ARMC3: variants seen among roughly 807,000 people sequenced by gnomAD.
ARMC3 encodes armadillo repeat containing 3, also known as armadillo repeat-containing protein 3.
In ARMC3, 74 loss-of-function variants were observed where a neutral mutation model predicts 90.3. The observed-to-expected ratio is 0.82, with a 90% CI of 0.68 to 0.99. The LOEUF (loss-of-function observed/expected upper bound fraction) is 0.99. ARMC3 is among the 50% of genes least tolerant of loss of function. The pLI is 0.00. For missense variants in ARMC3, 958 were observed against 1,042.8 expected, an observed-to-expected ratio of 0.92 and a Z score of 1.12; for synonymous variants, 334 against 361.8, an observed-to-expected ratio of 0.92 and a Z score of 0.87.
chr10:22,998,048 G>A lies in ARMC3; in HGVS notation c.1176-100G>A, dbSNP rs144384713. On this transcript the variant is annotated intron_variant, in intron 10 of 18. Coordinates refer to ENST00000298032, the MANE Select transcript of ARMC3 (RefSeq NM_173081.5). ...GGCAAATTAATTTATTTCTAAAATC[G>A]TATTTCTGTACTCATTTGTTTTAGC... The A allele has an allele frequency of 8.3e-6, 11 of 1,325,048 alleles. No homozygotes were observed. In the East Asian group the frequency reaches 1.2e-4, roughly 15 times the overall value. 82.1% of individuals were successfully genotyped at this position (1,325,048 alleles called of 1,614,324 possible).
chr10:22,976,288 C>T (rs1835918770), intron 8 of ARMC3, among the ~76,000 whole-genome samples: 1 of 152,094 alleles, frequency 6.6e-6, no homozygotes, highest in Non-Finnish European at 1.5e-5. Flanking sequence ...TTTAAATAGC[C>T]ACATCTCCTC....
intron 10 of ARMC3, among the ~76,000 whole-genome samples, chr10:22,982,169 G>C (rs1266626040): frequency 6.6e-6 from 1 of 152,214 alleles, no homozygotes; most frequent in Non-Finnish European, 1.5e-5. Flanking sequence ...TTGAGGTCAG[G>C]AGTTCGAGAC....
At chr10:22,930,935 C>CTT (rs34860824) in intron 1 of ARMC3, among the ~76,000 whole-genome samples, 10 of 147,568 alleles carry the variant, frequency 6.8e-5, no homozygotes, top group South Asian at 2.1e-4. Flanking sequence ...TGAAAAGTTT[C>CTT]TTTTTTTTTT....
At chr10:23,035,089 G>A (rs552501467) in intron 18 of ARMC3, among the ~76,000 whole-genome samples, 1 of 152,304 alleles carries the variant, frequency 6.6e-6, no homozygotes, top group Admixed American at 6.5e-5. Flanking sequence ...CAGAGTGCCA[G>A]CAGATTCAGT....
chr10:23,022,696 C>T (rs891572549), intron 16 of ARMC3, among the ~76,000 whole-genome samples: 2 of 152,128 alleles, frequency 1.3e-5, no homozygotes, highest in African/African-American at 4.8e-5. Flanking sequence ...AGACAACTTC[C>T]CTTTTCCCCC....
At chr10:22,968,674 G>A in intron 8 of ARMC3, among the ~76,000 whole-genome samples, 185 bp downstream of exon 8, 1 of 151,976 alleles carries the variant, frequency 6.6e-6, no homozygotes, top group African/African-American at 2.4e-5. Context: ...GCTAATTTTT[G>A]TATTTTTTGT....
chr10:23,013,998 C>T, intron 16 of ARMC3: 1 of 1,378,456 alleles, frequency 7.3e-7, no homozygotes, highest in South Asian at 1.3e-5. Context: ...ATGTTTGACT[C>T]CTTTACAGTA....
At chr10:22,998,459 T>A in intron 11 of ARMC3, 62 bp downstream of exon 11, 1 of 1,575,436 alleles carries the variant, frequency 6.3e-7, no homozygotes, top group South Asian at 1.2e-5. Flanking sequence ...GGTGGATTCA[T>A]TGGAAACATT....
At chr10:22,945,037 CA>C (rs1366498240) in intron 2 of ARMC3, among the ~76,000 whole-genome samples, 1 of 152,144 alleles carries the variant, frequency 6.6e-6, no homozygotes, top group Non-Finnish European at 1.5e-5. Context: ...GGGTGCTAGA[CA>C]ATGCCGTTCT....
At chr10:23,026,469 A>G (rs1170922094) in intron 16 of ARMC3, among the ~76,000 whole-genome samples, 2 of 152,150 alleles carry the variant, frequency 1.3e-5, no homozygotes, top group Non-Finnish European at 2.9e-5. Flanking sequence ...TATTAGCAGT[A>G]TAAAGAAGAA....
intron 10 of ARMC3, among the ~76,000 whole-genome samples, chr10:22,988,612 A>C (rs1462873242): frequency 3.9e-5 from 6 of 152,208 alleles, no homozygotes; most frequent in Non-Finnish European, 5.9e-5. Context: ...GGCTGAGTGC[A>C]GTGAATGATG....
rs1179820404 is a variant in ARMC3, at chr10:22,968,443, T to C, written c.870T>C (p.Asp290=). The change falls in exon 8 of 19, where the codon GAT becomes GAC. Residue 290 remains aspartate (D), a synonymous_variant. Coordinates refer to ENST00000298032, the MANE Select transcript of ARMC3 (RefSeq NM_173081.5). ...LSFAENSTIP[D]IQKNAAKAIT... is the part of the protein sequence containing the mutation. ...TTGCAGAAAACTCTACAATTCCTGA[T>C]ATTCAGAAGAATGCAGCAAAAGCCA... The C allele has an allele frequency of 6.2e-7, 1 of 1,607,178 alleles. No individual in the cohort carries two copies. The highest frequency in any genetic ancestry group is 2.2e-5 in the East Asian group (1 of 44,844).
intron 11 of ARMC3, among the ~76,000 whole-genome samples, chr10:22,999,307 C>T (rs1203473349): frequency 1.3e-5 from 2 of 152,112 alleles, no homozygotes; most frequent in Non-Finnish European, 2.9e-5. Flanking sequence ...CTGCACTTTG[C>T]GAGGTGGAGG....
intron 18 of ARMC3, among the ~76,000 whole-genome samples, chr10:23,034,301 A>G (rs1469742781): frequency 1.3e-5 from 2 of 152,214 alleles, no homozygotes; most frequent in African/African-American, 2.4e-5. Flanking sequence ...GAGAAAATAT[A>G]AAGCTTTTAT....
intron 2 of ARMC3, 141 bp from the exon 3 acceptor site, chr10:22,946,003 A>G: frequency 1.9e-6 from 1 of 517,432 alleles, no homozygotes; most frequent in Non-Finnish European, 3.3e-6. Flanking sequence ...TTTTAATGAA[A>G]AACTTTGCAG....
chr10:22,999,870 C>G (rs1287816205), intron 11 of ARMC3, among the ~76,000 whole-genome samples: 3 of 152,120 alleles, frequency 2.0e-5, no homozygotes, highest in African/African-American at 7.2e-5. Flanking sequence ...ACTCAGGTAG[C>G]GGTAGGCACC....
At chr10:22,989,919 C>T (rs1260943305) in intron 10 of ARMC3, among the ~76,000 whole-genome samples, 1 of 152,174 alleles carries the variant, frequency 6.6e-6, no homozygotes, top group East Asian at 1.9e-4. Context: ...ATTCCCTATC[C>T]CCATTTCATG....
chr10:23,006,888 A>G lies in ARMC3; in HGVS notation c.1736A>G (p.Asn579Ser). 5 of 1,614,082 alleles carry G rather than the reference A, an allele frequency of 3.1e-6. No homozygotes were observed. The highest frequency in any genetic ancestry group is 4.2e-6 in the Non-Finnish European group (5 of 1,179,946). The stretch of plus-strand genomic sequence containing the variant: ...GGTCCTTAAATTATCTCACAGATAA[A>G]TCCCGGCACCAAACTGTTGCCTTTG... ...NDGFYDYGRI[N>S]PGTKLLPLKE... is the part of the protein sequence containing the mutation. Residue 579 changes from asparagine (N) to serine (S), a missense_variant, in exon 14 of 19, where the codon AAT becomes AGT. Asn to Ser is a conservative substitution (Grantham distance 46). Transcript: ENST00000298032.
intron 16 of ARMC3, among the ~76,000 whole-genome samples, chr10:23,012,856 C>T (rs1838081584): frequency 6.6e-6 from 1 of 151,606 alleles, no homozygotes; most frequent in African/African-American, 2.4e-5. Flanking sequence ...ACCCGTCCTC[C>T]ATGCATGTGC....
Sources: allele counts gnomAD v4.1 joint callset (sites outside exome capture counted in the v4.1 genomes callset), GRCh38; gene constraint gnomAD v4.1.1; transcripts MANE v1.5; gene names NCBI Gene and HGNC (gene_info 2026-07-23, HGNC 2026-07-21).